TMEM230: variants seen among roughly 807,000 people sequenced by gnomAD.
The protein encoded by TMEM230 is transmembrane protein 230, also known as UPF0414 transmembrane protein C20orf30.
Under a neutral mutation model 15.8 loss-of-function variants are expected in TMEM230, and 10 were observed. The observed-to-expected ratio is 0.63, with a 90% CI of 0.39 to 1.07. The LOEUF (loss-of-function observed/expected upper bound fraction) is 1.07, where lower values mean the gene tolerates loss of function less well. Ranked by LOEUF, TMEM230 falls within the 50% of genes least tolerant of loss-of-function variation. The probability of loss-of-function intolerance (pLI) is 0.01; values close to 1 mark genes in which losing one functional copy is unlikely to be tolerated. For synonymous variants in TMEM230, 67 were observed against 76.9 expected (o/e 0.87, Z 0.68); for missense variants, 165 against 193.3 (o/e 0.85, Z 0.87).
intron 3 of TMEM230, among the ~76,000 whole-genome samples, chr20:5,083,686 AT>A (rs1408183744): frequency 2.6e-5 from 4 of 152,202 alleles, no homozygotes; most frequent in Non-Finnish European, 4.4e-5. Flanking sequence ...ATGGGCTTTG[AT>A]ATAAGCATTC....
chr20:5,101,318 C>T lies in TMEM230; in HGVS notation c.412-387G>A, dbSNP rs186903628. On this transcript the variant is annotated intron_variant, in intron 4 of 4. Transcript: ENST00000342308. ...CAGTTTTACCTAACTGCCCCACATA[C>T]AGCTGCTGGACACTTTGGTTGTTTT... Among the ~76,000 whole-genome samples, 59 of 152,314 alleles carry T rather than the reference C, an allele frequency of 3.9e-4. 1 individual carries two copies. The South Asian group carries it at 0.011, about 28-fold the overall frequency.
downstream of TMEM230, among the ~76,000 whole-genome samples, chr20:5,066,888 A>C (rs529555913): frequency 2.0e-5 from 3 of 152,084 alleles, no homozygotes; most frequent in East Asian, 5.8e-4. Flanking sequence ...TGGGGTCCTC[A>C]GCTGCCAATC....
chr20:5,092,718 A>G (rs1377987137), intron 3 of TMEM230, among the ~76,000 whole-genome samples: 1 of 150,376 alleles, frequency 6.6e-6, no homozygotes, highest in African/African-American at 2.4e-5. Flanking sequence ...TCCGTCTCAA[A>G]AAAAAAAAAA....
intron 3 of TMEM230, among the ~76,000 whole-genome samples, chr20:5,079,952 AGT>A (rs2089131978): frequency 6.6e-6 from 1 of 152,124 alleles, no homozygotes; most frequent in Non-Finnish European, 1.5e-5. Flanking sequence ...AAAACTGCAT[AGT>A]TTTTGTTTGT....
At chr20:5,060,921 G>A in the TMEM230 span, 1 of 152,196 alleles carries the variant, frequency 6.6e-6, no homozygotes, top group East Asian at 1.9e-4. Flanking sequence ...GTTTTCCAAA[G>A]CCATATTAGT....
intron 3 of TMEM230, among the ~76,000 whole-genome samples, chr20:5,083,152 T>A (rs2089232455): frequency 6.6e-6 from 1 of 151,996 alleles, no homozygotes; most frequent in African/African-American, 2.4e-5. Context: ...GGTCTCGAAC[T>A]CCTGACCTCA....
downstream of TMEM230, among the ~76,000 whole-genome samples, chr20:5,096,982 C>G (rs1315688275): frequency 1.3e-5 from 2 of 152,184 alleles, no homozygotes; most frequent in Non-Finnish European, 2.9e-5. Context: ...TCAGCTAAAA[C>G]TTGTACTACC....
At chr20:5,073,671 T>G (rs1208538575) in intron 3 of TMEM230, among the ~76,000 whole-genome samples, 1 of 152,240 alleles carries the variant, frequency 6.6e-6, no homozygotes, top group East Asian at 1.9e-4. Context: ...TGGGGGAGAC[T>G]GAACAACGGC....
chr20:5,111,743 A>G (rs1252400845), intron 1 of TMEM230: 3 of 975,374 alleles, frequency 3.1e-6, no homozygotes, highest in East Asian at 1.1e-4. Flanking sequence ...CATCATCACA[A>G]TAATGGTGGT....
At chr20:5,062,855 C>G in the TMEM230 span, among the ~76,000 whole-genome samples, 1 of 152,062 alleles carries the variant, frequency 6.6e-6, no homozygotes, top group African/African-American at 2.4e-5. Flanking sequence ...CTATGGAATA[C>G]AATGTGGGAA....
At chr20:5,107,203 A>C (rs1312837826) in intron 3 of TMEM230, among the ~76,000 whole-genome samples, 1 of 152,112 alleles carries the variant, frequency 6.6e-6, no homozygotes, top group African/African-American at 2.4e-5. Flanking sequence ...TTGGGACGCT[A>C]AGCTGGGAGG....
intron 3 of TMEM230, among the ~76,000 whole-genome samples, chr20:5,094,730 T>G: frequency 1.2e-5 from 1 of 85,766 alleles, no homozygotes; most frequent in Admixed American, 1.2e-4. Flanking sequence ...AAAAAAAAAT[T>G]TGTACATCTG....
the TMEM230 span, among the ~76,000 whole-genome samples, chr20:5,060,453 C>T: frequency 6.6e-6 from 1 of 150,956 alleles, no homozygotes; most frequent in African/African-American, 2.4e-5. Flanking sequence ...TCTTCTGCCT[C>T]AGCCTCCTGA....
intron 4 of TMEM230, among the ~76,000 whole-genome samples, chr20:5,105,454 G>A (rs946124388): frequency 4.0e-5 from 6 of 151,568 alleles, no homozygotes; most frequent in African/African-American, 1.2e-4. Flanking sequence ...AGCCGGGTGC[G>A]GTGGCGCACG....
intron 2 of TMEM230, among the ~76,000 whole-genome samples, chr20:5,110,849 G>A (rs2090283672): frequency 6.6e-6 from 1 of 152,206 alleles, no homozygotes; most frequent in African/African-American, 2.4e-5. Flanking sequence ...AAGAGACAGT[G>A]GGTAAGTTTG....
intron 3 of TMEM230, among the ~76,000 whole-genome samples, chr20:5,089,706 A>G (rs1449953710): frequency 6.6e-6 from 1 of 152,090 alleles, no homozygotes; most frequent in Non-Finnish European, 1.5e-5. Context: ...GTCTTAAAAA[A>G]GGAAAAACAA....
chr20:5,088,077 G>A (rs1365764685), intron 3 of TMEM230, among the ~76,000 whole-genome samples: 5 of 150,042 alleles, frequency 3.3e-5, no homozygotes, highest in Non-Finnish European at 7.4e-5. Context: ...GGGAGGCCAA[G>A]GTGGGCGGAT....
downstream of TMEM230, among the ~76,000 whole-genome samples, chr20:5,099,216 A>C (rs1386208790): frequency 6.6e-5 from 6 of 91,288 alleles, no homozygotes; most frequent in South Asian, 5.3e-4. Context: ...ATAAATAAAT[A>C]AATAAATAAA....
intron 3 of TMEM230, among the ~76,000 whole-genome samples, chr20:5,083,340 A>G (rs552161812): frequency 3.3e-5 from 5 of 150,806 alleles, no homozygotes; most frequent in Admixed American, 3.3e-4. Context: ...AAGAAAGAGA[A>G]AGAAAAACAG....
Sources: allele counts gnomAD v4.1 joint callset (sites outside exome capture counted in the v4.1 genomes callset), GRCh38; gene constraint gnomAD v4.1.1; transcripts MANE v1.5; gene names NCBI Gene and HGNC (gene_info 2026-07-23, HGNC 2026-07-21).